The following CHFR variants were observed in gnomAD, a reference collection of about 807,000 sequenced individuals.
CHFR encodes the protein E3 ubiquitin-protein ligase CHFR.
CHFR carries 57 observed loss-of-function variants against 87.6 expected under a neutral mutation model. The ratio of observed to expected loss-of-function variants is 0.65; its 90% CI spans 0.53 to 0.81. The LOEUF (loss-of-function observed/expected upper bound fraction) is 0.81. CHFR is among the 30% of genes least tolerant of loss of function. The pLI, the probability that CHFR is intolerant of heterozygous loss-of-function variation, is 0.00. For missense variants in CHFR, 797 were observed against 865.8 expected (o/e 0.92, Z 1.00); for synonymous variants, 381 against 359.2 (o/e 1.06, Z -0.69).
At chr12:132,868,722 G>T (rs967592432) in intron 6 of CHFR, among the ~76,000 whole-genome samples, 4 of 151,732 alleles carry the variant, frequency 2.6e-5, no homozygotes, top group Non-Finnish European at 5.9e-5. Flanking sequence ...TGTCTGTGAA[G>T]TGTCTAGAAC....
Position 132,836,968 on chromosome 12 carries a change from C to T in CHFR, c.*4586G>A, listed in dbSNP as rs983555885. The T allele has an allele frequency of 2.2e-5, 8 of 361,418 alleles. No individual in the cohort carries two copies. The highest frequency in any genetic ancestry group is 1.8e-4 in the Admixed American group (5 of 27,278). 22.4% of individuals were successfully genotyped at this position (361,418 alleles called of 1,614,324 possible). A position where few individuals can be genotyped will look rare whatever the true frequency, so the allele number is the denominator to read the frequency against. The stretch of plus-strand genomic sequence containing the variant: ...AAACGGTAAACAGATGTTTCCTTTC[C>T]GATAGTGACAGGTGCTGGGGGGAAA... On this transcript the variant is annotated 3_prime_UTR_variant, in exon 18 of 18. Transcript: ENST00000450056.
intron 2 of CHFR, among the ~76,000 whole-genome samples, chr12:132,880,990 G>A (rs985362941): frequency 1.3e-5 from 2 of 151,526 alleles, no homozygotes; most frequent in African/African-American, 2.4e-5. Context: ...AGTAAGGCTG[G>A]GGGCGGTGGT....
intron 10 of CHFR, chr12:132,853,824 G>A: frequency 2.0e-6 from 1 of 503,536 alleles, no homozygotes; most frequent in South Asian, 2.7e-5. Flanking sequence ...CATCCCCAGG[G>A]TCACTAGGTC....
At chr12:132,863,675 A>C (rs960681292) in intron 6 of CHFR, among the ~76,000 whole-genome samples, 4 of 152,218 alleles carry the variant, frequency 2.6e-5, no homozygotes, top group Non-Finnish European at 4.4e-5. Flanking sequence ...AGTGACTTGT[A>C]GGGAGAGCGC....
intron 6 of CHFR, chr12:132,862,362 G>A (rs1327378162): frequency 7.0e-6 from 3 of 426,550 alleles, no homozygotes; most frequent in South Asian, 1.7e-5. Flanking sequence ...GGAGGCCAAG[G>A]TGGGAGGATC....
chr12:132,882,985 AG>A (rs1410139356), intron 2 of CHFR: 2 of 152,176 alleles, frequency 1.3e-5, no homozygotes, highest in East Asian at 1.9e-4. Flanking sequence ...TACAGGCATG[AG>A]CCACCGTGCC....
At chr12:132,875,899 G>A (rs1238042568) in intron 3 of CHFR, among the ~76,000 whole-genome samples, 1 of 152,138 alleles carries the variant, frequency 6.6e-6, no homozygotes. Flanking sequence ...AGCTGGCCGG[G>A]CGCGATGGCT....
At chr12:132,876,022 A>G (rs916445925) in intron 3 of CHFR, among the ~76,000 whole-genome samples, 3 of 152,126 alleles carry the variant, frequency 2.0e-5, no homozygotes, top group Admixed American at 2.0e-4. Context: ...TAAAAACACA[A>G]AAAAATAGCC....
At chr12:132,859,366 T>C (rs1951162527) in intron 7 of CHFR, 139 bp from the exon 8 acceptor site, 2 of 864,714 alleles carry the variant, frequency 2.3e-6, no homozygotes, top group South Asian at 1.7e-5. Flanking sequence ...TCTTTTTTTT[T>C]TCGAGACAGA....
chr12:132,841,630 A>C (rs762512468), intron 17 of CHFR, 34 bp from the exon 18 acceptor site: 1 of 1,553,404 alleles, frequency 6.4e-7, no homozygotes, highest in Non-Finnish European at 8.9e-7. Flanking sequence ...TACACAAGAG[A>C]GCATTGGAGA....
In CHFR at chr12:132,869,698, C is replaced by T. The variant is rs909400005; in HGVS notation, c.504G>A (p.Ser168=). The T allele has an allele frequency of 1.4e-5, 21 of 1,551,528 alleles. No homozygotes were observed. The highest frequency in any genetic ancestry group is 2.7e-5 in the African/African-American group (2 of 73,010). The change falls in exon 6 of 18, where the codon TCG becomes TCA. Residue 168 remains serine (S), a synonymous_variant. Transcript: ENST00000450056. ...AGGCTGTGGGGAAGAGGTCTGACGT[C>T]GATGTTGATGGCTGTGGTTCCTCAA... ...VCFEEPQPST[S]TSDLFPTASA... is the part of the protein sequence containing the mutation.
At chr12:132,866,454 C>T (rs1263254930) in intron 6 of CHFR, 2 of 151,786 alleles carry the variant, frequency 1.3e-5, no homozygotes, top group South Asian at 2.1e-4. Flanking sequence ...TACAACACAC[C>T]GGGAATGTTA....
chr12:132,841,693 C>T (rs1372952531), intron 17 of CHFR, 97 bp from the exon 18 acceptor site: 21 of 978,188 alleles, frequency 2.1e-5, no homozygotes, highest in African/African-American at 6.4e-5. Flanking sequence ...CAAATAAACG[C>T]ATTCGGAAAC....
At chr12:132,856,667 T>A (rs1214234663) in intron 9 of CHFR, 37 bp from the exon 10 acceptor site, 2 of 1,605,780 alleles carry the variant, frequency 1.2e-6, no homozygotes, top group African/African-American at 1.3e-5. Context: ...TCACCGGCAG[T>A]GAGACATGGC....
At chr12:132,868,774 C>T (rs944501094) in intron 6 of CHFR, among the ~76,000 whole-genome samples, 8 of 142,474 alleles carry the variant, frequency 5.6e-5, no homozygotes, top group African/African-American at 1.6e-4. Context: ...CTGCCAGGGG[C>T]TGGGGGGAGG....
At chr12:132,872,530 G>A (rs745476803) in intron 3 of CHFR, 136 bp from the exon 4 acceptor site, 37 of 624,318 alleles carry the variant, frequency 5.9e-5, no homozygotes, top group Middle Eastern at 4.1e-4. Context: ...AATACGTAAC[G>A]ATGCACACAT....
At chr12:132,858,723 T>A (rs1310762091) in intron 8 of CHFR, among the ~76,000 whole-genome samples, 4 of 29,594 alleles carry the variant, frequency 1.4e-4, no homozygotes, top group African/African-American at 6.6e-4. Context: ...CGAGACTCCA[T>A]CTAAAAAAAA....
chr12:132,865,194 C>T (rs11610954), intron 6 of CHFR, among the ~76,000 whole-genome samples: 9,151 of 152,188 alleles, frequency 0.06, 375 homozygotes, highest in East Asian at 0.13. Context: ...TGTCCCTGCA[C>T]GGGGAGAGTC....
intron 6 of CHFR, chr12:132,867,727 G>GA (rs1325544411): frequency 3.9e-5 from 6 of 152,100 alleles, no homozygotes; most frequent in African/African-American, 1.2e-4. Context: ...TGGAATGTAA[G>GA]AACGCGAGAG....
Sources: allele counts gnomAD v4.1 joint callset (sites outside exome capture counted in the v4.1 genomes callset), GRCh38; gene constraint gnomAD v4.1.1; transcripts MANE v1.5; gene names NCBI Gene and HGNC (gene_info 2026-07-23, HGNC 2026-07-21).